Variants in TRAPPC11 observed in about 807,000 individuals in gnomAD.
TRAPPC11 encodes foie gras homolog.
In TRAPPC11, 104 loss-of-function variants were observed where a neutral mutation model predicts 151.2. That is an observed-to-expected ratio of 0.69 (90% CI 0.59 to 0.81). The LOEUF (loss-of-function observed/expected upper bound fraction) is 0.81. TRAPPC11 is among the 30% of genes least tolerant of loss of function. The probability of loss-of-function intolerance (pLI) is 0.00; values close to 1 mark genes in which losing one functional copy is unlikely to be tolerated. For synonymous variants in TRAPPC11, 456 were observed against 472.3 expected (o/e 0.97, Z 0.45); for missense variants, 1,230 against 1,349.6 (o/e 0.91, Z 1.39).
rs754081074 is a variant in TRAPPC11, at chr4:183,680,165, G to A, written c.1011G>A (p.Gly337=). Residue 337 remains glycine, a synonymous_variant, in exon 10 of 30, where the codon GGG becomes GGA. Coordinates refer to ENST00000334690, the MANE Select transcript of TRAPPC11 (RefSeq NM_021942.6). The stretch of plus-strand genomic sequence containing the variant: ...TATTTGATGAAGCTATTAAGTTAGG[G>A]TTAACAGCTATTCAAACTCAGAATC... The part of the protein sequence containing the change: ...GDLFDEAIKL[G]LTAIQTQNPG... The A allele has an allele frequency of 6.2e-7, 1 of 1,613,864 alleles. No individual in the cohort carries two copies. The highest frequency in any genetic ancestry group is 1.7e-5 in the Admixed American group (1 of 59,992).
At chr4:183,700,239 G>A (rs190223234) in intron 25 of TRAPPC11, among the ~76,000 whole-genome samples, 170 of 152,254 alleles carry the variant, frequency 1.1e-3, no homozygotes, top group African/African-American at 3.7e-3. Context: ...TCAAACTGAT[G>A]TGTATTTTAT....
intron 19 of TRAPPC11, 37 bp from the exon 20 acceptor site, chr4:183,692,923 G>A (rs753987395): frequency 1.9e-6 from 3 of 1,570,156 alleles, no homozygotes; most frequent in Non-Finnish European, 2.6e-6. Flanking sequence ...AAGCACATAT[G>A]AGATGACATT....
rs919629966 is a variant in TRAPPC11, at chr4:183,662,738, A to G, written c.-21-1109A>G. On this transcript the variant is annotated intron_variant, in intron 1 of 29. Transcript: ENST00000334690. ...GGGGAAGTTTATTATATGTAAGTCA[A>G]CTGTTTTTCTTTTATATTTTTCTTT... 6.0e-5 allele frequency among the ~76,000 whole-genome samples: 9 copies of G among 149,416 alleles called. No homozygotes were observed. The Admixed American group carries it at 6.1e-4, about 10-fold the overall frequency.
chr4:183,702,213 G>A (rs2111089194), intron 26 of TRAPPC11, among the ~76,000 whole-genome samples: 1 of 152,152 alleles, frequency 6.6e-6, no homozygotes, highest in South Asian at 2.1e-4. Context: ...GCTTGTTGAT[G>A]CACATCTGCA....
chr4:183,691,260 G>T, intron 18 of TRAPPC11, 56 bp from the exon 19 acceptor site: 1 of 1,356,764 alleles, frequency 7.4e-7, no homozygotes, highest in South Asian at 2.0e-5. Context: ...CAAAGCACTT[G>T]GCATTTAGGG....
intron 5 of TRAPPC11, among the ~76,000 whole-genome samples, chr4:183,672,525 C>T (rs1031235224): frequency 2.0e-5 from 3 of 152,152 alleles, no homozygotes; most frequent in Admixed American, 2.0e-4. Flanking sequence ...GTTTGTGAAA[C>T]TGGTTATAAG....
At position 183,691,400 on chromosome 4, in the gene TRAPPC11, G is replaced by C. The variant is rs67383011; in HGVS notation, c.1978G>C (p.Val660Leu). The change falls in exon 19 of 30, where the codon GTT becomes CTT. Residue 660 changes from valine to leucine, a missense_variant. Physicochemically the swap from Val to Leu is conservative, Grantham distance 32. Transcript: ENST00000334690. Reference protein sequence around the residue: ...ENLTQGKMCLVPGKTRKLLFK... With the variant: ...ENLTQGKMCLLPGKTRKLLFK... ...TCTGACTCAAGGAAAGATGTGCCTA[G>C]TTCCTGGCAAAACAAGAAAACTGTT... The C allele has an allele frequency of 0.095, 148,375 of 1,556,088 alleles. 7,618 individuals are homozygous for C. Among genetic ancestry groups the C allele is most frequent in the Non-Finnish European group, 0.1 (116,237 of 1,143,818 alleles).
intron 19 of TRAPPC11, among the ~76,000 whole-genome samples, chr4:183,692,420 T>G (rs1022385199): frequency 2.8e-4 from 43 of 152,176 alleles, no homozygotes; most frequent in African/African-American, 1.0e-3. Context: ...AATTGCATAT[T>G]TTATTTTTTC....
intron 25 of TRAPPC11, chr4:183,700,783 G>T (rs1736763315): frequency 6.6e-6 from 1 of 152,094 alleles, no homozygotes; most frequent in Admixed American, 6.5e-5. Flanking sequence ...CTTAGTGGGT[G>T]AGCATCCCTC....
At chr4:183,701,019 T>G (rs1736775283) in intron 25 of TRAPPC11, 1 of 151,938 alleles carries the variant, frequency 6.6e-6, no homozygotes, top group Non-Finnish European at 1.5e-5. Flanking sequence ...GGCTAATTTT[T>G]AAATTATTTA....
At chr4:183,698,310 A>G (rs1736644951) in intron 25 of TRAPPC11, among the ~76,000 whole-genome samples, 1 of 152,246 alleles carries the variant, frequency 6.6e-6, no homozygotes, top group South Asian at 2.1e-4. Context: ...TCTGGTTTTA[A>G]AAAGTACTAA....
chr4:183,662,150 G>A (rs116272529), intron 1 of TRAPPC11, among the ~76,000 whole-genome samples: 5,818 of 152,008 alleles, frequency 0.038, 143 homozygotes, highest in Middle Eastern at 0.054. Flanking sequence ...CTGAGGTCAC[G>A]AGATCAAGAC....
At chr4:183,695,332 C>G (rs7697882) in intron 23 of TRAPPC11, among the ~76,000 whole-genome samples, 1 of 152,150 alleles carries the variant, frequency 6.6e-6, no homozygotes, top group East Asian at 1.9e-4. Context: ...AGTTGACTTA[C>G]ATATAGAGGG....
chr4:183,694,160 CTAAT>C, intron 22 of TRAPPC11, 122 bp downstream of exon 22: 1 of 1,027,994 alleles, frequency 9.7e-7, no homozygotes, highest in Non-Finnish European at 1.4e-6. Context: ...AGTGATTTAA[CTAAT>C]GAACATTTCA....
chr4:183,666,518 T>C, intron 3 of TRAPPC11, 92 bp downstream of exon 3: 2 of 1,297,772 alleles, frequency 1.5e-6, no homozygotes, highest in Non-Finnish European at 2.1e-6. Flanking sequence ...CCGTTCAGAC[T>C]GCAGTGGTCA....
intron 29 of TRAPPC11, among the ~76,000 whole-genome samples, chr4:183,711,840 C>A (rs1224298467): frequency 1.3e-5 from 2 of 152,194 alleles, no homozygotes; most frequent in Non-Finnish European, 2.9e-5. Context: ...TATTGTATAT[C>A]TGTATAATAA....
At position 183,684,340 on chromosome 4, in the gene TRAPPC11, G is replaced by A. The variant is rs1213471252; in HGVS notation, c.1402G>A (p.Asp468Asn). The change falls in exon 14 of 30, where the codon GAT becomes AAT. Residue 468 changes from aspartate (D) to asparagine (N), a missense_variant. Coordinates refer to ENST00000334690, the MANE Select transcript of TRAPPC11 (RefSeq NM_021942.6). Reference sequence around the variant, plus strand: ...GGGAGAGGAATATTATTACGCAAAGGATTATACCAAAGCTTTGAAGTGAGT... The same window carrying A: ...GGGAGAGGAATATTATTACGCAAAGAATTATACCAAAGCTTTGAAGTGAGT... ...QMGEEYYYAK[D>N]YTKALKLLDY... 1 of 1,613,652 alleles carries A rather than the reference G, an allele frequency of 6.2e-7. No individual in the cohort carries two copies. The highest frequency in any genetic ancestry group is 2.2e-5 in the East Asian group (1 of 44,844).
At chr4:183,674,576 G>A (rs1421316269) in intron 5 of TRAPPC11, 137 bp from the exon 6 acceptor site, 4 of 452,200 alleles carry the variant, frequency 8.8e-6, no homozygotes, top group Non-Finnish European at 1.6e-5. Context: ...GTTATCTTTT[G>A]CTTCACTTTG....
chr4:183,695,299 T>C (rs1736482214), intron 23 of TRAPPC11, among the ~76,000 whole-genome samples: 1 of 152,098 alleles, frequency 6.6e-6, no homozygotes, highest in African/African-American at 2.4e-5. Context: ...CTCAAGCAAA[T>C]CACACATGAG....
Sources: gnomAD v4.1 joint callset for allele counts (sites outside exome capture counted in the v4.1 genomes callset) on GRCh38, gnomAD v4.1.1 for gene constraint, MANE v1.5 for transcripts, NCBI Gene and HGNC (gene_info 2026-07-23, HGNC 2026-07-21) for gene names.